The following PPEF1 variants were observed in gnomAD, a reference collection of about 807,000 sequenced individuals.
PPEF1 encodes protein phosphatase with EF-hand domain 1, also known as serine/threonine-protein phosphatase with EF-hands 1.
A neutral mutation model predicts 53.3 loss-of-function variants in PPEF1; 12 were observed. The ratio of observed to expected loss-of-function variants is 0.23; its 90% CI spans 0.14 to 0.36. The LOEUF (loss-of-function observed/expected upper bound fraction) is 0.36, where lower values mean the gene tolerates loss of function less well. Ranked by LOEUF, PPEF1 falls within the 10% of genes least tolerant of loss-of-function variation. The pLI, the probability that PPEF1 is intolerant of heterozygous loss-of-function variation, is 1.00. For missense variants in PPEF1, 334 were observed against 490.4 expected, an observed-to-expected ratio of 0.68 and a Z score of 3.01; for synonymous variants, 165 against 176.7, an observed-to-expected ratio of 0.93 and a Z score of 0.52.
At chrX:18,682,573 C>A (rs911715776), upstream of PPEF1, among the ~76,000 whole-genome samples, 1 of 111,275 alleles carries the variant, frequency 9.0e-6, no homozygotes, top group Admixed American at 9.6e-5. Context: ...CCATGACTTA[C>A]GCCCCGGCCC....
chrX:18,689,413 T>C (rs1175290342), intron 3 of PPEF1, among the ~76,000 whole-genome samples: 1 of 104,113 alleles, frequency 9.6e-6, no homozygotes, highest in Non-Finnish European at 2.0e-5. Context: ...GCCCGGGAGG[T>C]GGAGGCTACA....
At chrX:18,690,437 C>T (rs1306233429) in intron 3 of PPEF1, among the ~76,000 whole-genome samples, 11 of 102,565 alleles carry the variant, frequency 1.1e-4, no homozygotes, top group African/African-American at 4.0e-4. Flanking sequence ...AGTGCAGTGG[C>T]ACTGTCTCAG....
upstream of PPEF1, among the ~76,000 whole-genome samples, chrX:18,703,640 G>T (rs1314248201): frequency 8.9e-6 from 1 of 111,992 alleles, no homozygotes; most frequent in Non-Finnish European, 1.9e-5. Flanking sequence ...GGGCTACTTT[G>T]GAAGTTGCCC....
intron 3 of PPEF1, 92 bp from the exon 4 acceptor site, chrX:18,749,700 A>G (rs186840830): frequency 2.1e-5 from 13 of 623,955 alleles, no homozygotes; most frequent in Non-Finnish European, 3.2e-5. Context: ...TACATGGGCT[A>G]GGTATTCAAG....
At chrX:18,684,191 A>T (rs755973046) in intron 1 of PPEF1, among the ~76,000 whole-genome samples, 1 of 111,662 alleles carries the variant, frequency 9.0e-6, no homozygotes, top group African/African-American at 3.3e-5. Context: ...GAGCTTTTTT[A>T]AAAAAAGTAT....
At chrX:18,794,769 C>A (rs1213411949) in intron 10 of PPEF1, among the ~76,000 whole-genome samples, 2 of 111,953 alleles carry the variant, frequency 1.8e-5, no homozygotes, top group Non-Finnish European at 3.8e-5. Context: ...CAGCTTGCTC[C>A]TTCTGGGGCA....
intron 12 of PPEF1, among the ~76,000 whole-genome samples, chrX:18,811,899 G>A (rs1232515214): frequency 9.0e-6 from 1 of 110,905 alleles, no homozygotes; most frequent in Non-Finnish European, 1.9e-5. Context: ...GAGCCACCAC[G>A]ACTGGCCACT....
chrX:18,806,400 C>T lies in PPEF1; in HGVS notation c.1252-3C>T, dbSNP rs375508057. Reference sequence around the variant, plus strand: ...GAACCTGACCCTCTTTTTCTTTAACCAGGTGGTGACTATATTTTCTGCTTC... The same window carrying T: ...GAACCTGACCCTCTTTTTCTTTAACTAGGTGGTGACTATATTTTCTGCTTC... On this transcript the variant is annotated splice_region_variant and splice_polypyrimidine_tract_variant and intron_variant, in intron 11 of 15. Coordinates refer to ENST00000470157, the MANE Select transcript of PPEF1 (RefSeq NM_001377996.1). The T allele has an allele frequency of 4.4e-5, 53 of 1,194,967 alleles. No homozygotes were observed. The South Asian group carries it at 6.1e-4, about 14-fold the overall frequency.
At chrX:18,704,599 A>G (rs2044158052), upstream of PPEF1, among the ~76,000 whole-genome samples, 1 of 111,929 alleles carries the variant, frequency 8.9e-6, no homozygotes, top group South Asian at 3.7e-4. Flanking sequence ...CAGACTTGAT[A>G]TGACCTCTGG....
At chrX:18,684,595 G>A (rs1928995323) in intron 1 of PPEF1, among the ~76,000 whole-genome samples, 2 of 109,018 alleles carry the variant, frequency 1.8e-5, no homozygotes, top group South Asian at 8.3e-4. Context: ...CCTATCTTGG[G>A]ATGTGTCTAG....
At chrX:18,684,415 CCTGT>C (rs945352060) in intron 1 of PPEF1, among the ~76,000 whole-genome samples, 5 of 110,749 alleles carry the variant, frequency 4.5e-5, no homozygotes, top group African/African-American at 1.6e-4. Flanking sequence ...TAAGCAAAAA[CCTGT>C]CTAATAGGAA....
At chrX:18,756,787 G>A (rs1346004541) in intron 4 of PPEF1, among the ~76,000 whole-genome samples, 1 of 112,449 alleles carries the variant, frequency 8.9e-6, no homozygotes, top group Non-Finnish European at 1.9e-5. Context: ...GTGAATATTT[G>A]TTAATTTAGC....
chrX:18,714,635 G>A (rs999075392), intron 1 of PPEF1, among the ~76,000 whole-genome samples: 2 of 112,112 alleles, frequency 1.8e-5, no homozygotes, highest in Non-Finnish European at 1.9e-5. Context: ...GAGTTTTGAT[G>A]ACAAAGTATT....
intron 4 of PPEF1, among the ~76,000 whole-genome samples, chrX:18,755,779 T>C (rs1378278017): frequency 9.0e-6 from 1 of 111,468 alleles, no homozygotes; most frequent in East Asian, 2.8e-4. Flanking sequence ...ATATGAACAC[T>C]TCCTGTAAGT....
Position 18,707,726 on chromosome X carries a change from T to A in PPEF1, c.-55T>A. 1 of 1,126,637 alleles carries A rather than the reference T, an allele frequency of 8.9e-7. No homozygotes were observed. The highest frequency in any genetic ancestry group is 1.2e-6 in the Non-Finnish European group (1 of 819,847). The allele number at this position is 1,126,637 out of a possible 1,213,427, so 92.8% of individuals were successfully genotyped here. ...GCTTAAAGGGAGGCACTTTTCACAC[T>A]CTGTCTTAAAATCAGAAGTTGAATT... On this transcript the variant is annotated 5_prime_UTR_variant, in exon 1 of 16. Coordinates refer to ENST00000470157, the MANE Select transcript of PPEF1 (RefSeq NM_001377996.1).
intron 6 of PPEF1, among the ~76,000 whole-genome samples, chrX:18,762,675 G>A (rs1017520867): frequency 8.9e-6 from 1 of 111,852 alleles, no homozygotes; most frequent in Non-Finnish European, 1.9e-5. Flanking sequence ...GACCACATAG[G>A]GTAACTTCCT....
chrX:18,689,483 A>G (rs1453953586), intron 3 of PPEF1, among the ~76,000 whole-genome samples: 2 of 105,896 alleles, frequency 1.9e-5, no homozygotes, highest in African/African-American at 6.8e-5. Flanking sequence ...CACTCTCGAC[A>G]GAGTGAGACC....
At position 18,738,151 on chromosome X, in the gene PPEF1, A is replaced by G. The variant is rs139961177; in HGVS notation, c.235+4343A>G. ...TTAAGGTTAATATTGTTATGTGTGA[A>G]TTTGATCCTGTCATTATGATGTTAG... On this transcript the variant is annotated intron_variant, in intron 3 of 15. Coordinates refer to ENST00000470157, the MANE Select transcript of PPEF1 (RefSeq NM_001377996.1). Among the ~76,000 whole-genome samples the G allele has an allele frequency of 7.9e-3, 874 of 111,216 alleles. 9 individuals carry two copies. Among genetic ancestry groups the G allele is most frequent in the African/African-American group, 0.027 (826 of 30,549 alleles).
chrX:18,825,215 A>G (rs1178023752), intron 14 of PPEF1, among the ~76,000 whole-genome samples: 1 of 111,591 alleles, frequency 9.0e-6, no homozygotes, highest in Non-Finnish European at 1.9e-5. Flanking sequence ...TTGGGTGATC[A>G]TTTGCAGTGA....
Sources: gnomAD v4.1 joint callset for allele counts (sites outside exome capture counted in the v4.1 genomes callset) on GRCh38, gnomAD v4.1.1 for gene constraint, MANE v1.5 for transcripts, NCBI Gene and HGNC (gene_info 2026-07-23, HGNC 2026-07-21) for gene names.